The following LUM variants were observed in gnomAD, a reference collection of about 807,000 sequenced individuals.
The protein encoded by LUM is lumican, also known as KSPG lumican.
Under a neutral mutation model 20.5 loss-of-function variants are expected in LUM, and 13 were observed. The ratio of observed to expected loss-of-function variants is 0.63; its 90% CI spans 0.41 to 1.01. The LOEUF is 1.01. Ranked by LOEUF, LUM falls within the 50% of genes least tolerant of loss-of-function variation. The probability of loss-of-function intolerance (pLI) is 0.00; values close to 1 mark genes in which losing one functional copy is unlikely to be tolerated. For missense variants in LUM, 321 were observed against 391.1 expected (o/e 0.82, Z 1.51); for synonymous variants, 173 against 151.5 (o/e 1.14, Z -1.04).
At chr12:91,107,232 A>G (rs57185724) in intron 2 of LUM, among the ~76,000 whole-genome samples, 26,467 of 56,816 alleles carry the variant, frequency 0.47, 8,946 homozygotes, top group South Asian at 0.55. Context: ...AGAAGAAAGA[A>G]AGAAAGGAAA....
Position 91,108,520 on chromosome 12 carries a change from A to T in LUM, c.460T>A (p.Ser154Thr), listed in dbSNP as rs1356939677. 1.2e-6 allele frequency: 2 copies of T among 1,612,532 alleles called. No homozygotes were observed. The highest frequency in any genetic ancestry group is 3.3e-5 in the Admixed American group (2 of 59,934). ...LTHNKITKLG[S>T]FEGLVNLTFI... is the part of the protein sequence containing the mutation. ...GTCAGGTTTACCAATCCTTCAAAAG[A>T]GCCCAGCTTTGTGATCTTGTTATGA... is the stretch of plus-strand genomic sequence containing the variant. Residue 154 changes from serine to threonine, a missense_variant, in exon 2 of 3, where the codon TCT becomes ACT. Ser to Thr is a moderately conservative substitution (Grantham distance 58). Transcript: ENST00000266718. This position sits in a 1 kb window ranked among gnomAD's most constrained non-coding sequence, Gnocchi z 4.2.
At chr12:91,107,254 A>AG (rs1267995240) in intron 2 of LUM, among the ~76,000 whole-genome samples, 2,920 of 44,124 alleles carry the variant, frequency 0.066, 73 homozygotes, top group African/African-American at 0.078. Flanking sequence ...AAAGAAAGAA[A>AG]GAAAGAAAGA....
Position 91,109,048 on chromosome 12 carries a change from A to C in LUM, c.-21-48T>G, listed in dbSNP as rs542529006. 7.1e-6 allele frequency: 9 copies of C among 1,274,104 alleles called. No homozygotes were observed. The African/African-American group carries it at 1.3e-4, about 19-fold the overall frequency. The allele number at this position is 1,274,104 out of a possible 1,614,324, so 78.9% of individuals were successfully genotyped here. On this transcript the variant is annotated intron_variant, in intron 1 of 2. Transcript: ENST00000266718. ...TTAATTAAAAAAATATATACTTTCA[A>C]GAAAAAGACATTCAATTTGCAACAT...
At chr12:91,109,125 A>T (rs1880147316) in intron 1 of LUM, 125 bp from the exon 2 acceptor site, 1 of 701,218 alleles carries the variant, frequency 1.4e-6, no homozygotes, top group African/African-American at 1.8e-5. Flanking sequence ...TTTTTAGTGC[A>T]TCTAACAGCG....
rs535748038 is a variant in LUM, at chr12:91,108,808, A to G, written c.172T>C (p.Leu58=). The G allele has an allele frequency of 2.5e-6, 4 of 1,614,042 alleles. No individual in the cohort carries two copies. In the Admixed American group the frequency reaches 5.0e-5, roughly 20 times the overall value. Residue 58 remains leucine, a synonymous_variant, in exon 2 of 3, where the codon TTG becomes CTG. Transcript: ENST00000266718. This position sits in a 1 kb window ranked among gnomAD's most constrained non-coding sequence, Gnocchi z 4.2. ...PSAMYCDELK[L]KSVPMVPPGI... Reference sequence around the variant, plus strand: ...GGAGGCACCATTGGTACACTTTTCAATTTCAGCTCATCACAGTACATGGCA... The same window carrying G: ...GGAGGCACCATTGGTACACTTTTCAGTTTCAGCTCATCACAGTACATGGCA...
In LUM at chr12:91,103,816, A is replaced by G. The variant is rs1351463902; in HGVS notation, c.*349T>C. Reference sequence around the variant, plus strand: ...TTTGGTGCAAGAGAGTAACATCCATATGTATTTAATCCAAGCTTTGAGGAA... The same window carrying G: ...TTTGGTGCAAGAGAGTAACATCCATGTGTATTTAATCCAAGCTTTGAGGAA... On this transcript the variant is annotated 3_prime_UTR_variant, in exon 3 of 3. Coordinates refer to ENST00000266718, the MANE Select transcript of LUM (RefSeq NM_002345.4). 1 of 191,168 alleles carries G rather than the reference A, an allele frequency of 5.2e-6. No homozygotes were observed. The highest frequency in any genetic ancestry group is 1.1e-5 in the Non-Finnish European group (1 of 92,496). The allele number at this position is 191,168 out of a possible 1,614,324, so 11.8% of individuals were successfully genotyped here.
Position 91,103,471 on chromosome 12 carries a change from C to A in LUM, c.*694G>T, listed in dbSNP as rs534065388. The stretch of plus-strand genomic sequence containing the variant: ...GTAAAATATTGCAGGCCAGAGATAT[C>A]TTTTGATTTCTAATCTATTGTTTTA... On this transcript the variant is annotated 3_prime_UTR_variant, in exon 3 of 3. Transcript: ENST00000266718. 4.6e-5 allele frequency: 7 copies of A among 152,118 alleles called. No individual in the cohort carries two copies. The highest frequency in any genetic ancestry group is 1.4e-4 in the African/African-American group (6 of 41,550). The allele number at this position is 152,118 out of a possible 1,614,324, so 9.4% of individuals were successfully genotyped here. A position where few individuals can be genotyped will look rare whatever the true frequency, so the allele number is the denominator to read the frequency against.
At chr12:91,104,732 A>G (rs1458610610) in intron 2 of LUM, among the ~76,000 whole-genome samples, 2 of 152,162 alleles carry the variant, frequency 1.3e-5, no homozygotes, top group Non-Finnish European at 2.9e-5. Flanking sequence ...TAAAAATAAG[A>G]AGGGTTAACT....
At chr12:91,105,901 A>G (rs1419160669) in intron 2 of LUM, among the ~76,000 whole-genome samples, 1 of 152,054 alleles carries the variant, frequency 6.6e-6, no homozygotes, top group Non-Finnish European at 1.5e-5. Context: ...AATCTAATGT[A>G]CTCCGTCATC....
chr12:91,104,261 C>T lies in LUM; in HGVS notation c.921G>A (p.Lys307=), dbSNP rs1592661354. The T allele has an allele frequency of 1.2e-6, 2 of 1,612,892 alleles. No homozygotes were observed. The highest frequency in any genetic ancestry group is 1.3e-5 in the African/African-American group (1 of 74,972). ...TGCGATTGCCATCCAAACGCAAATG[C>T]TTGATCTTGGAGTAGGATAATGGCC... The part of the protein sequence containing the change: ...ILGPLSYSKI[K]HLRLDGNRIS... The change falls in exon 3 of 3, where the codon AAG becomes AAA. Residue 307 remains lysine, a synonymous_variant. Transcript: ENST00000266718.
At chr12:91,107,297 GAAA>G (rs1880091002) in intron 2 of LUM, among the ~76,000 whole-genome samples, 1 of 104,370 alleles carries the variant, frequency 9.6e-6, no homozygotes, top group Admixed American at 1.1e-4. Context: ...GAGAAAGAAA[GAAA>G]GAAAGAAAGA....
In LUM at chr12:91,108,172, G is replaced by A; in HGVS notation, c.808C>T (p.Pro270Ser). Residue 270 changes from proline to serine, a missense_variant, in exon 2 of 3, where the codon CCA becomes TCA. Pro to Ser is a moderately conservative substitution (Grantham distance 74, BLOSUM62 -1). Coordinates refer to ENST00000266718, the MANE Select transcript of LUM (RefSeq NM_002345.4). This position sits in a 1 kb window ranked among gnomAD's most constrained non-coding sequence, Gnocchi z 4.2. ...TTTTCAAGGTTTTCATTGACAGTTG[G>A]TATGTTTTTAAGCTTGTTATAGGAC... ...DLSYNKLKNIPTVNENLENYY... is the reference protein window; with the variant it reads ...DLSYNKLKNISTVNENLENYY... The A allele has an allele frequency of 6.2e-7, 1 of 1,613,952 alleles. No individual in the cohort carries two copies. The highest frequency in any genetic ancestry group is 8.5e-7 in the Non-Finnish European group (1 of 1,179,868).
At chr12:91,107,199 A>AAAGAAAG (rs1555188570) in intron 2 of LUM, among the ~76,000 whole-genome samples, 1 of 46,390 alleles carries the variant, frequency 2.2e-5, no homozygotes, top group Non-Finnish European at 4.1e-5. Flanking sequence ...GAAGGAAAGA[A>AAAGAAAG]AAAGAAAGAA....
chr12:91,106,690 T>TAAAAAAAAAAAAAAAAAAA (rs374164456), intron 2 of LUM, among the ~76,000 whole-genome samples: 24 of 90,594 alleles, frequency 2.6e-4, no homozygotes, highest in African/African-American at 1.1e-3. Flanking sequence ...ATTTTTCTTC[T>TAAAAAAAAAAAAAAAAAAA]AAAAAAAAAA....
At chr12:91,107,289 GAAAGAA>G (rs1565758431) in intron 2 of LUM, among the ~76,000 whole-genome samples, 4 of 72,728 alleles carry the variant, frequency 5.5e-5, no homozygotes, top group African/African-American at 1.7e-4. Flanking sequence ...GAAAGAAAGA[GAAAGAA>G]AGAAAGAAAG....
Position 91,104,138 on chromosome 12 carries a change from A to G in LUM, c.*27T>C. 1 of 1,588,550 alleles carries G rather than the reference A, an allele frequency of 6.3e-7. No individual in the cohort carries two copies. Among genetic ancestry groups the G allele is most frequent in the Non-Finnish European group, 8.6e-7 (1 of 1,158,468 alleles). On this transcript the variant is annotated 3_prime_UTR_variant, in exon 3 of 3. Coordinates refer to ENST00000266718, the MANE Select transcript of LUM (RefSeq NM_002345.4). Reference sequence around the variant, plus strand: ...AACTGACACACAGAAAAACATAACCATAAAATATTGTTCCAGGATACAGAT... The same window carrying G: ...AACTGACACACAGAAAAACATAACCGTAAAATATTGTTCCAGGATACAGAT...
At chr12:91,107,249 A>C (rs1367629027) in intron 2 of LUM, among the ~76,000 whole-genome samples, 1 of 22,346 alleles carries the variant, frequency 4.5e-5, no homozygotes, top group African/African-American at 1.1e-4. Flanking sequence ...GAAAGAAAGA[A>C]AGAAAGAAAG....
chr12:91,104,390 T>C, intron 2 of LUM, 71 bp from the exon 3 acceptor site: 1 of 1,043,208 alleles, frequency 9.6e-7, no homozygotes, highest in East Asian at 2.6e-5. Flanking sequence ...AAAAAATTTA[T>C]GTTTAATATA....
chr12:91,107,271 GAAA>G (rs1880080752), intron 2 of LUM, among the ~76,000 whole-genome samples: 3 of 75,624 alleles, frequency 4.0e-5, no homozygotes, highest in Admixed American at 1.4e-4. Flanking sequence ...AAGAAAGAAA[GAAA>G]GAAAGAAAGA....
Sources: allele counts gnomAD v4.1 joint callset (sites outside exome capture counted in the v4.1 genomes callset), GRCh38; gene constraint gnomAD v4.1.1; non-coding constraint Gnocchi (gnomAD v3.1); transcripts MANE v1.5; gene names NCBI Gene and HGNC (gene_info 2026-07-23, HGNC 2026-07-21).